USP28: variants seen among roughly 807,000 people sequenced by gnomAD.
USP28 encodes the protein ubiquitin specific peptidase 28, also known as ubiquitin carboxyl-terminal hydrolase 28.
Under a neutral mutation model 145.0 loss-of-function variants are expected in USP28, and 113 were observed. The observed-to-expected ratio is 0.78, with a 90% CI of 0.67 to 0.91. The LOEUF is 0.91. Ranked by LOEUF, USP28 falls within the 40% of genes least tolerant of loss-of-function variation. The pLI, the probability that USP28 is intolerant of heterozygous loss-of-function variation, is 0.00. For missense variants in USP28, 1,201 were observed against 1,289.6 expected (o/e 0.93, Z 1.05); for synonymous variants, 447 against 450.9 (o/e 0.99, Z 0.11).
chr11:113,874,449 A>AAAAG (rs1949168498), intron 1 of USP28: 13 of 856,382 alleles, frequency 1.5e-5, no homozygotes, highest in East Asian at 6.9e-5. Flanking sequence ...AAAAAAAAAA[A>AAAAG]GTGTCTCCAT....
At chr11:113,873,751 T>C (rs547032936) in intron 1 of USP28, among the ~76,000 whole-genome samples, 10 of 60,238 alleles carry the variant, frequency 1.7e-4, no homozygotes, top group Non-Finnish European at 2.2e-4. Context: ...CAATAGGCAC[T>C]TGTGAACATC....
At chr11:113,806,774 AT>A (rs1383966130) in intron 18 of USP28, among the ~76,000 whole-genome samples, 190 bp from the exon 20 acceptor site, 2 of 152,182 alleles carry the variant, frequency 1.3e-5, no homozygotes, top group East Asian at 3.9e-4. Flanking sequence ...CTTCTATATA[AT>A]GTCAACACCC....
At chr11:113,848,069 G>A (rs1946076996) in intron 3 of USP28, among the ~76,000 whole-genome samples, 1 of 152,122 alleles carries the variant, frequency 6.6e-6, no homozygotes, top group Admixed American at 6.5e-5. Flanking sequence ...AATGTTTAAA[G>A]GATTATTAAG....
At chr11:113,846,765 C>T (rs1003941582) in intron 3 of USP28, among the ~76,000 whole-genome samples, 5 of 152,122 alleles carry the variant, frequency 3.3e-5, no homozygotes, top group Admixed American at 6.5e-5. Context: ...CTGAGGCAGG[C>T]GGATCACCTG....
At chr11:113,816,752 T>G (rs1440333910) in intron 13 of USP28, among the ~76,000 whole-genome samples, 1 of 152,156 alleles carries the variant, frequency 6.6e-6, no homozygotes, top group Non-Finnish European at 1.5e-5. Flanking sequence ...CCGAACCACT[T>G]TTTAAAAATT....
rs1253842683 is a variant in USP28 at position 113,812,256 on chromosome 11, T to C, written c.1972+20A>G. 2 of 1,602,138 alleles carry C rather than the reference T, an allele frequency of 1.2e-6. No individual in the cohort carries two copies. The highest frequency in any genetic ancestry group is 1.7e-6 in the Non-Finnish European group (2 of 1,169,480). ...GTACAGATTTTCCCCAATCTATAGA[T>C]TCTGCCAAGATACTTTTACCTGCAT... On this transcript the variant is annotated intron_variant, in intron 16 of 24. Coordinates refer to ENST00000003302, the Ensembl canonical transcript of USP28.
chr11:113,815,221 T>C, exon 14 of USP28: 1 of 1,614,210 alleles, frequency 6.2e-7, no homozygotes, highest in Non-Finnish European at 8.5e-7. Context: ...AAGACAGGTC[T>C]TAACAAAATT....
At chr11:113,863,388 G>C (rs2136912658) in intron 1 of USP28, among the ~76,000 whole-genome samples, 1 of 152,320 alleles carries the variant, frequency 6.6e-6, no homozygotes, top group African/African-American at 2.4e-5. Context: ...GCTCACACCT[G>C]TAATCCCAGC....
intron 1 of USP28, among the ~76,000 whole-genome samples, chr11:113,873,868 C>A (rs981875302): frequency 2.0e-5 from 3 of 152,180 alleles, no homozygotes; most frequent in Non-Finnish European, 4.4e-5. Flanking sequence ...CCAGGCTGGG[C>A]GCCCTGGTTC....
intron 16 of USP28, among the ~76,000 whole-genome samples, chr11:113,812,025 A>C (rs971308450): frequency 6.6e-6 from 1 of 152,200 alleles, no homozygotes; most frequent in Non-Finnish European, 1.5e-5. Flanking sequence ...ATATGTATAC[A>C]ATGTGTCTTG....
At chr11:113,820,178 A>G (rs1003271777) in intron 12 of USP28, 5 of 152,298 alleles carry the variant, frequency 3.3e-5, no homozygotes, top group Non-Finnish European at 5.9e-5. Flanking sequence ...CCTACATGAA[A>G]TAAATCCTCT....
chr11:113,873,127 CAG>C (rs1228073785), intron 1 of USP28, among the ~76,000 whole-genome samples: 2 of 152,144 alleles, frequency 1.3e-5, no homozygotes, highest in African/African-American at 4.8e-5. Context: ...TAGAATGCCT[CAG>C]AGAGTTCAAA....
intron 1 of USP28, among the ~76,000 whole-genome samples, chr11:113,865,597 A>G (rs1323896311): frequency 6.6e-6 from 1 of 152,128 alleles, no homozygotes; most frequent in Non-Finnish European, 1.5e-5. Context: ...TTGATGGGGG[A>G]AAAATCATGT....
chr11:113,824,931 TAA>T (rs751056158), intron 11 of USP28, among the ~76,000 whole-genome samples: 7 of 118,390 alleles, frequency 5.9e-5, no homozygotes, highest in Admixed American at 8.9e-5. Flanking sequence ...AACTCCGTCT[TAA>T]AAAAAAAAAA....
chr11:113,874,423 GAAAA>G (rs778295743), intron 1 of USP28: 1,785 of 412,158 alleles, frequency 4.3e-3, no homozygotes, highest in Middle Eastern at 7.6e-3. Context: ...AGACTCTGTC[GAAAA>G]AAAAAAAAAA....
At chr11:113,821,027 G>T in intron 12 of USP28, 2 of 211,778 alleles carry the variant, frequency 9.4e-6, no homozygotes, top group East Asian at 1.2e-4. Context: ...GACGTTCACT[G>T]GGCAATCAGC....
intron 23 of USP28, 25 bp from the exon 25 acceptor site, chr11:113,801,703 T>C (rs1939055059): frequency 1.3e-6 from 2 of 1,532,354 alleles, no homozygotes; most frequent in African/African-American, 1.4e-5. Context: ...TAGAATTAGG[T>C]GGGGAAGAGT....
chr11:113,842,569 A>G (rs111401040), intron 3 of USP28, among the ~76,000 whole-genome samples: 3,261 of 150,994 alleles, frequency 0.022, 106 homozygotes, highest in African/African-American at 0.074. Context: ...TAGGCAACAG[A>G]GTGAGACTCC....
At chr11:113,874,838 G>A (rs957139635) in intron 1 of USP28, 10 of 1,023,150 alleles carry the variant, frequency 9.8e-6, no homozygotes, top group African/African-American at 1.7e-5. Context: ...ATCATCAGTA[G>A]ACTTTCTATT....
Sources: allele counts gnomAD v4.1 joint callset (sites outside exome capture counted in the v4.1 genomes callset), GRCh38; gene constraint gnomAD v4.1.1; transcripts MANE v1.5; gene names NCBI Gene and HGNC (gene_info 2026-07-23, HGNC 2026-07-21).